CCSER1: variants seen among roughly 807,000 people sequenced by gnomAD.
The protein encoded by CCSER1 is coiled-coil serine rich protein 1.
CCSER1 carries 41 observed loss-of-function variants against 82.0 expected under a neutral mutation model. The observed-to-expected ratio is 0.50, with a 90% CI of 0.39 to 0.65. The LOEUF (loss-of-function observed/expected upper bound fraction) is 0.65, where lower values mean the gene tolerates loss of function less well. CCSER1 is among the 30% of genes least tolerant of loss of function. CCSER1 has a pLI of 0.00. For synonymous variants in CCSER1, 414 were observed against 383.9 expected (o/e 1.08, Z -0.92); for missense variants, 1,119 against 1,064.2 (o/e 1.05, Z -0.72).
intron 6 of CCSER1, among the ~76,000 whole-genome samples, chr4:90,698,284 C>G (rs1260973975): frequency 5.9e-5 from 9 of 152,118 alleles, no homozygotes; most frequent in Non-Finnish European, 1.3e-4. Flanking sequence ...AGTCAGTGCT[C>G]TGTGTGTGAC....
chr4:90,570,353 T>C lies in CCSER1; in HGVS notation c.1725-57672T>C, dbSNP rs1361268588. ...TCCATTGGGTTGGGGGACTGCAAGT[T>C]GAACTGGCCTCACTGCATTGGCTGG... On this transcript the variant is annotated intron_variant, in intron 5 of 10. Transcript: ENST00000509176. 5.3e-5 allele frequency among the ~76,000 whole-genome samples: 8 copies of C among 152,066 alleles called. No homozygotes were observed. In the East Asian group the frequency reaches 1.6e-3, roughly 29 times the overall value.
At chr4:90,145,425 C>T (rs1226572682) in intron 1 of CCSER1, among the ~76,000 whole-genome samples, 1 of 152,090 alleles carries the variant, frequency 6.6e-6, no homozygotes, top group Non-Finnish European at 1.5e-5. Context: ...CTTTAAAATA[C>T]AATTTCATTG....
chr4:91,274,351 G>A (rs1351148370), intron 10 of CCSER1, among the ~76,000 whole-genome samples: 3 of 151,914 alleles, frequency 2.0e-5, no homozygotes, highest in Non-Finnish European at 4.4e-5. Context: ...CTTTCTTTCA[G>A]CTATTTTAAA....
chr4:91,357,674 G>T (rs1352019994), intron 10 of CCSER1, among the ~76,000 whole-genome samples: 1 of 151,162 alleles, frequency 6.6e-6, no homozygotes, highest in Non-Finnish European at 1.5e-5. Flanking sequence ...TACTCAGGAG[G>T]CCTTATTACT....
intron 10 of CCSER1, among the ~76,000 whole-genome samples, chr4:91,187,778 C>T (rs1734685517): frequency 6.6e-6 from 1 of 152,056 alleles, no homozygotes; most frequent in African/African-American, 2.4e-5. Flanking sequence ...GTCTCAAACT[C>T]CTGACCTCAA....
At chr4:90,429,853 A>G (rs1758031898) in intron 4 of CCSER1, among the ~76,000 whole-genome samples, 1 of 151,802 alleles carries the variant, frequency 6.6e-6, no homozygotes, top group Non-Finnish European at 1.5e-5. Context: ...TCCATTTTCA[A>G]TTGTTTAGTT....
intron 3 of CCSER1, among the ~76,000 whole-genome samples, chr4:90,336,684 G>T (rs1740459409): frequency 6.6e-6 from 1 of 152,126 alleles, no homozygotes; most frequent in Non-Finnish European, 1.5e-5. Flanking sequence ...TATTGCATAG[G>T]GAGTTTATTT....
intron 7 of CCSER1, among the ~76,000 whole-genome samples, chr4:90,803,804 T>C (rs150170201): frequency 0.022 from 3,316 of 152,270 alleles, 126 homozygotes; most frequent in African/African-American, 0.075. Flanking sequence ...TCCACAATGG[T>C]TGAACTAATT....
At chr4:90,326,018 T>A (rs1172665224) in intron 3 of CCSER1, among the ~76,000 whole-genome samples, 2 of 151,766 alleles carry the variant, frequency 1.3e-5, no homozygotes, top group Non-Finnish European at 2.9e-5. Flanking sequence ...TACAAGTGAA[T>A]CTGCATATGC....
At chr4:91,057,344 T>C (rs1186178531) in intron 9 of CCSER1, among the ~76,000 whole-genome samples, 1 of 152,160 alleles carries the variant, frequency 6.6e-6, no homozygotes, top group East Asian at 1.9e-4. Flanking sequence ...AGACAGATTC[T>C]CTCAGTGTAA....
intron 8 of CCSER1, among the ~76,000 whole-genome samples, chr4:90,889,364 A>G (rs138358986): frequency 3.3e-5 from 5 of 151,896 alleles, no homozygotes; most frequent in African/African-American, 1.2e-4. Flanking sequence ...TTATTGACTC[A>G]CTCTCTCCTA....
chr4:91,172,949 C>A (rs577477405), intron 10 of CCSER1, among the ~76,000 whole-genome samples: 10 of 152,194 alleles, frequency 6.6e-5, no homozygotes, highest in African/African-American at 2.4e-4. Flanking sequence ...ATCTTTAAAT[C>A]TCCAGAATGC....
At chr4:91,225,386 A>G (rs1223134561) in intron 10 of CCSER1, among the ~76,000 whole-genome samples, 2 of 139,048 alleles carry the variant, frequency 1.4e-5, no homozygotes. Context: ...ATATGATATA[A>G]TATATATATT....
At position 91,186,772 on chromosome 4, in the gene CCSER1, G is replaced by A. The variant is rs1581735764; in HGVS notation, c.2217+100778G>A. Among the ~76,000 whole-genome samples, 3 of 152,300 alleles carry A rather than the reference G, an allele frequency of 2.0e-5. No homozygotes were observed. The South Asian group carries it at 6.2e-4, about 32-fold the overall frequency. On this transcript the variant is annotated intron_variant, in intron 10 of 10. Coordinates refer to ENST00000509176, the MANE Select transcript of CCSER1 (RefSeq NM_001145065.2). ...TGGGCTGAATTAAAGGAATAGGTTGGGCTAGTTAACTGCAGCAGGTGCATC... is the reference window on the plus strand; with the variant it reads ...TGGGCTGAATTAAAGGAATAGGTTGAGCTAGTTAACTGCAGCAGGTGCATC...
chr4:90,978,902 C>A (rs1304769917), intron 9 of CCSER1, among the ~76,000 whole-genome samples: 1 of 151,638 alleles, frequency 6.6e-6, no homozygotes, highest in Non-Finnish European at 1.5e-5. Context: ...TGGAGATAAT[C>A]TTTTATTGTC....
intron 10 of CCSER1, among the ~76,000 whole-genome samples, chr4:91,332,963 G>A (rs1383762800): frequency 6.6e-6 from 1 of 151,956 alleles, no homozygotes; most frequent in African/African-American, 2.4e-5. Flanking sequence ...TGTCTCACAT[G>A]CAACTTCAGT....
At chr4:90,775,309 T>A (rs1280946829) in intron 7 of CCSER1, among the ~76,000 whole-genome samples, 1 of 152,200 alleles carries the variant, frequency 6.6e-6, no homozygotes, top group Non-Finnish European at 1.5e-5. Context: ...TTAACTCTTC[T>A]ACAGCTTTGT....
intron 1 of CCSER1, among the ~76,000 whole-genome samples, chr4:90,305,982 A>C (rs534804845): frequency 2.0e-5 from 3 of 152,374 alleles, no homozygotes; most frequent in African/African-American, 7.2e-5. Flanking sequence ...TTATATAATG[A>C]AATGCTATTC....
chr4:90,882,463 T>C (rs1357354666), intron 8 of CCSER1, among the ~76,000 whole-genome samples: 4 of 152,110 alleles, frequency 2.6e-5, no homozygotes, highest in African/African-American at 9.6e-5. Flanking sequence ...CTGAAACTTT[T>C]ATATTTTTCA....
Sources: allele counts gnomAD v4.1 joint callset (sites outside exome capture counted in the v4.1 genomes callset), GRCh38; gene constraint gnomAD v4.1.1; transcripts MANE v1.5; gene names NCBI Gene and HGNC (gene_info 2026-07-23, HGNC 2026-07-21).